CECR2: variants seen among roughly 807,000 people sequenced by gnomAD.
CECR2 encodes CECR2 histone acetyl-lysine reader, also known as chromatin remodeling regulator CECR2.
CECR2 carries 30 observed loss-of-function variants against 154.5 expected under a neutral mutation model. The ratio of observed to expected loss-of-function variants is 0.19; its 90% CI spans 0.15 to 0.26. CECR2 has a LOEUF of 0.26. Ranked by LOEUF, CECR2 falls within the 10% of genes least tolerant of loss-of-function variation. The pLI is 1.00. For synonymous variants in CECR2, 725 were observed against 683.7 expected, an observed-to-expected ratio of 1.06 and a Z score of -0.94; for missense variants, 1,743 against 1,829.3, an observed-to-expected ratio of 0.95 and a Z score of 0.86.
At chr22:17,364,040 T>G (rs9606701) in intron 1 of CECR2, among the ~76,000 whole-genome samples, 97,581 of 151,784 alleles carry the variant, frequency 0.64, 31,963 homozygotes, top group African/African-American at 0.76. Flanking sequence ...TCATGAAGGG[T>G]TGTCAAGAAT....
At chr22:17,416,690 C>CA (rs1423053697) in intron 1 of CECR2, among the ~76,000 whole-genome samples, 1 of 152,064 alleles carries the variant, frequency 6.6e-6, no homozygotes, top group Non-Finnish European at 1.5e-5. Context: ...TTAGTAGAGA[C>CA]ACGGTTTCAT....
At chr22:17,522,051 C>T (rs1362178187) in intron 8 of CECR2, among the ~76,000 whole-genome samples, 1 of 152,116 alleles carries the variant, frequency 6.6e-6, no homozygotes, top group African/African-American at 2.4e-5. Context: ...TGTCAAAGAT[C>T]ATATGGTTGT....
At chr22:17,374,189 G>A (rs1046229283) in intron 1 of CECR2, among the ~76,000 whole-genome samples, 7 of 152,066 alleles carry the variant, frequency 4.6e-5, no homozygotes, top group African/African-American at 1.7e-4. Flanking sequence ...TTTTTCCTGA[G>A]TGTCCTGCCT....
At chr22:17,426,645 C>T (rs1003682700) in intron 1 of CECR2, among the ~76,000 whole-genome samples, 1 of 152,272 alleles carries the variant, frequency 6.6e-6, no homozygotes, top group Non-Finnish European at 1.5e-5. Flanking sequence ...GCGTGAGCCA[C>T]TATGCCCGGC....
At chr22:17,403,461 T>G (rs2053927577) in intron 1 of CECR2, among the ~76,000 whole-genome samples, 1 of 152,240 alleles carries the variant, frequency 6.6e-6, no homozygotes, top group Non-Finnish European at 1.5e-5. Context: ...ATGTTTTAAC[T>G]TCTAAAGAAA....
At chr22:17,472,429 G>A (rs890766496) in intron 1 of CECR2, among the ~76,000 whole-genome samples, 1 of 152,146 alleles carries the variant, frequency 6.6e-6, no homozygotes, top group Non-Finnish European at 1.5e-5. Flanking sequence ...GGCCTGCTTT[G>A]CATCTCCTTT....
At chr22:17,513,004 T>C (rs928029044) in intron 8 of CECR2, among the ~76,000 whole-genome samples, 2 of 152,036 alleles carry the variant, frequency 1.3e-5, no homozygotes, top group Non-Finnish European at 2.9e-5. Context: ...AGATATAATG[T>C]TAGGTGAAGA....
At chr22:17,381,910 C>T (rs987224587) in intron 1 of CECR2, among the ~76,000 whole-genome samples, 11 of 149,586 alleles carry the variant, frequency 7.4e-5, no homozygotes, top group African/African-American at 9.9e-5. Flanking sequence ...TTTTTTGAGA[C>T]GGAGTCTCAC....
intron 1 of CECR2, among the ~76,000 whole-genome samples, chr22:17,463,784 G>T (rs1341642756): frequency 6.6e-6 from 1 of 152,016 alleles, no homozygotes. Flanking sequence ...CTAATCGATG[G>T]GATTTTGAGC....
Position 17,443,623 on chromosome 22 carries a change from G to A in CECR2, c.127-33965G>A, listed in dbSNP as rs138543997. ...GCTTCAGTTGTCTGAAGTAGGCAGC[G>A]AGGACGGGCCTTTCTCTGCCGCAGC... On this transcript the variant is annotated intron_variant, in intron 1 of 18. Coordinates refer to ENST00000262608, the MANE Select transcript of CECR2 (RefSeq NM_001290047.2). 6.9e-4 allele frequency among the ~76,000 whole-genome samples: 105 copies of A among 152,318 alleles called. 3 individuals are homozygous for A. The East Asian group carries it at 8.9e-3, about 13-fold the overall frequency.
At chr22:17,545,941 A>G (rs2056607278) in intron 16 of CECR2, among the ~76,000 whole-genome samples, 1 of 151,552 alleles carries the variant, frequency 6.6e-6, no homozygotes, top group Non-Finnish European at 1.5e-5. Flanking sequence ...AATCGCAACT[A>G]CTTGGGAGTC....
intron 1 of CECR2, among the ~76,000 whole-genome samples, chr22:17,393,284 G>A (rs1337793530): frequency 6.6e-6 from 1 of 152,080 alleles, no homozygotes; most frequent in Non-Finnish European, 1.5e-5. Context: ...GTGCCCCTTT[G>A]TGATTGGATT....
Position 17,509,586 on chromosome 22 carries a change from G to A in CECR2, c.871-2227G>A, listed in dbSNP as rs143924364. On this transcript the variant is annotated intron_variant, in intron 7 of 18. Transcript: ENST00000262608. ...CTGGACTATAGGCACACACCACCAC[G>A]CCCAGTTAATTTTTTAATTTTTTGT... Among the ~76,000 whole-genome samples the A allele has an allele frequency of 3.8e-3, 584 of 151,870 alleles. 2 individuals carry two copies. The highest frequency in any genetic ancestry group is 0.013 in the African/African-American group (519 of 41,414).
intron 1 of CECR2, among the ~76,000 whole-genome samples, chr22:17,361,668 G>T (rs1259331103): frequency 6.6e-6 from 1 of 151,630 alleles, no homozygotes; most frequent in African/African-American, 2.4e-5. Context: ...GAACCCGGGG[G>T]CTGGGGGGAG....
intron 9 of CECR2, among the ~76,000 whole-genome samples, chr22:17,536,807 T>C (rs554371161): frequency 6.6e-6 from 1 of 152,278 alleles, no homozygotes; most frequent in South Asian, 2.1e-4. Context: ...TTCTTCTGTT[T>C]TCTTCTGCCT....
At chr22:17,414,218 C>G (rs961468853) in intron 1 of CECR2, among the ~76,000 whole-genome samples, 13 of 152,088 alleles carry the variant, frequency 8.5e-5, no homozygotes, top group Admixed American at 7.9e-4. Flanking sequence ...GTGATCCGCC[C>G]GCCTTGGCCT....
At chr22:17,549,643 C>T in intron 17 of CECR2, 79 bp downstream of exon 17, 1 of 1,267,182 alleles carries the variant, frequency 7.9e-7, no homozygotes. Flanking sequence ...GACAGAGTCT[C>T]ACTTTGTCAC....
At chr22:17,549,889 G>A (rs1195909300) in intron 17 of CECR2, among the ~76,000 whole-genome samples, 1 of 145,646 alleles carries the variant, frequency 6.9e-6, no homozygotes, top group Non-Finnish European at 1.5e-5. Flanking sequence ...GCCTGTCAAA[G>A]TGCTGAGATT....
chr22:17,374,503 G>A (rs569546514), intron 1 of CECR2, among the ~76,000 whole-genome samples: 26 of 152,296 alleles, frequency 1.7e-4, no homozygotes, highest in Non-Finnish European at 3.4e-4. Context: ...TTTGCTGGAG[G>A]AGAGGGCCTA....
Sources: gnomAD v4.1 joint callset for allele counts (sites outside exome capture counted in the v4.1 genomes callset) on GRCh38, gnomAD v4.1.1 for gene constraint, MANE v1.5 for transcripts, NCBI Gene and HGNC (gene_info 2026-07-23, HGNC 2026-07-21) for gene names.